The following MYRIP variants were observed in gnomAD, a reference collection of about 807,000 sequenced individuals.
MYRIP encodes myosin VIIA and Rab interacting protein.
In MYRIP, 49 loss-of-function variants were observed where a neutral mutation model predicts 98.0. That is an observed-to-expected ratio of 0.50 (90% confidence interval 0.40 to 0.63). MYRIP has a LOEUF of 0.63. MYRIP is among the 30% of genes least tolerant of loss of function. The pLI, the probability that MYRIP is intolerant of heterozygous loss-of-function variation, is 0.00. For synonymous variants in MYRIP, 404 were observed against 409.5 expected (o/e 0.99, Z 0.16); for missense variants, 1,004 against 1,058.2 (o/e 0.95, Z 0.71).
Position 40,068,481 on chromosome 3 carries a change from C to T in MYRIP, c.332+24210C>T, listed in dbSNP as rs552934843. On this transcript the variant is annotated intron_variant, in intron 3 of 16. Coordinates refer to ENST00000302541, the MANE Select transcript of MYRIP (RefSeq NM_015460.4). ...TTGTGAAGCTGGAACCAGAGTTACA[C>T]TAAGGATGTATTGTATATAGTTTTC... 1.6e-3 allele frequency among the ~76,000 whole-genome samples: 250 copies of T among 152,286 alleles called. 1 individual carries two copies. The highest frequency in any genetic ancestry group is 5.9e-3 in the African/African-American group (246 of 41,552).
chr3:40,253,649 A>C (rs920409626), intron 16 of MYRIP, among the ~76,000 whole-genome samples: 5 of 152,188 alleles, frequency 3.3e-5, no homozygotes, highest in Non-Finnish European at 7.4e-5. Flanking sequence ...TCAACGGAAT[A>C]AGTTACCTTA....
intron 13 of MYRIP, chr3:40,248,290 T>C (rs1404918140): frequency 6.6e-6 from 1 of 152,226 alleles, no homozygotes; most frequent in African/African-American, 2.4e-5. Flanking sequence ...TCATGCAAGT[T>C]GTCTCTATGA....
intron 1 of MYRIP, among the ~76,000 whole-genome samples, chr3:39,847,760 C>G (rs1037222963): frequency 2.6e-5 from 4 of 152,102 alleles, no homozygotes; most frequent in African/African-American, 9.7e-5. Flanking sequence ...CCATATATGC[C>G]CTCCCTGAGC....
At chr3:39,982,198 A>G (rs1018324289) in intron 2 of MYRIP, among the ~76,000 whole-genome samples, 2 of 152,212 alleles carry the variant, frequency 1.3e-5, no homozygotes, top group African/African-American at 4.8e-5. Flanking sequence ...TCTGCTCTGT[A>G]GAGAGTAGTA....
intron 2 of MYRIP, among the ~76,000 whole-genome samples, chr3:40,032,237 T>A (rs1947277557): frequency 6.6e-6 from 1 of 152,292 alleles, no homozygotes; most frequent in South Asian, 2.1e-4. Flanking sequence ...TGTCTTCATT[T>A]CGTTATGTAC....
chr3:39,832,032 A>G (rs1386732824), intron 1 of MYRIP, among the ~76,000 whole-genome samples: 1 of 152,220 alleles, frequency 6.6e-6, no homozygotes, highest in African/African-American at 2.4e-5. Flanking sequence ...TAATGTGGGA[A>G]ATGTTGGAAT....
At chr3:40,077,037 G>A (rs1457146578) in intron 3 of MYRIP, among the ~76,000 whole-genome samples, 2 of 152,118 alleles carry the variant, frequency 1.3e-5, no homozygotes, top group South Asian at 2.1e-4. Context: ...GTGGACCCTT[G>A]CGGTGAGTGT....
intron 12 of MYRIP, among the ~76,000 whole-genome samples, chr3:40,238,187 A>T (rs957544963): frequency 6.6e-6 from 1 of 152,158 alleles, no homozygotes; most frequent in African/African-American, 2.4e-5. Flanking sequence ...TCAGCTTTTT[A>T]AATTTCACCT....
intron 2 of MYRIP, among the ~76,000 whole-genome samples, chr3:39,958,625 A>C (rs1198469813): frequency 6.6e-6 from 1 of 152,236 alleles, no homozygotes; most frequent in South Asian, 2.1e-4. Flanking sequence ...ATGGGCAAGG[A>C]CTTCATGTCT....
rs141015352 is a variant in MYRIP at position 40,163,341 on chromosome 3, C to CTA, written c.550+533_550+534dup. On this transcript the variant is annotated intron_variant, in intron 5 of 16. Transcript: ENST00000302541. ...GACCTCCACAGCTTATCTGTACTCTCTATTCTCTCTTTGGGGGCTGTGATA... is the reference window on the plus strand; with the variant it reads ...GACCTCCACAGCTTATCTGTACTCTCTATATTCTCTCTTTGGGGGCTGTGATA... 8.6e-3 allele frequency among the ~76,000 whole-genome samples: 1,312 copies of CTA among 152,318 alleles called. 22 individuals are homozygous for CTA. Among genetic ancestry groups the CTA allele is most frequent in the African/African-American group, 0.03 (1,261 of 41,566 alleles).
intron 2 of MYRIP, among the ~76,000 whole-genome samples, chr3:40,034,940 G>A (rs1575482976): frequency 6.6e-6 from 1 of 151,420 alleles, no homozygotes; most frequent in East Asian, 2.0e-4. Context: ...GGATGAAATT[G>A]GAAATCATCA....
chr3:39,956,263 A>G (rs1377321055), intron 2 of MYRIP, among the ~76,000 whole-genome samples: 1 of 152,162 alleles, frequency 6.6e-6, no homozygotes, highest in Non-Finnish European at 1.5e-5. Flanking sequence ...TCCAAAATCG[A>G]CCACATAGTT....
At chr3:40,177,558 C>G (rs1162190555) in intron 8 of MYRIP, among the ~76,000 whole-genome samples, 1 of 152,218 alleles carries the variant, frequency 6.6e-6, no homozygotes, top group African/African-American at 2.4e-5. Flanking sequence ...GATGGGATTT[C>G]TCATCTATTC....
At chr3:40,199,262 G>A (rs983248463) in intron 10 of MYRIP, among the ~76,000 whole-genome samples, 5 of 152,168 alleles carry the variant, frequency 3.3e-5, no homozygotes, top group Non-Finnish European at 7.4e-5. Flanking sequence ...TTCACACTCT[G>A]GGGGTTGCTT....
At chr3:40,017,098 A>C (rs1946880094) in intron 2 of MYRIP, among the ~76,000 whole-genome samples, 1 of 152,248 alleles carries the variant, frequency 6.6e-6, no homozygotes, top group African/African-American at 2.4e-5. Flanking sequence ...GCCACTTAAC[A>C]AAATATTGGA....
intron 11 of MYRIP, among the ~76,000 whole-genome samples, chr3:40,220,096 C>T (rs546076490): frequency 5.3e-5 from 8 of 151,722 alleles, no homozygotes; most frequent in African/African-American, 1.9e-4. Flanking sequence ...TGATGATGAG[C>T]ATTTTTTCAT....
chr3:39,961,997 C>G (rs1472613297), intron 2 of MYRIP, among the ~76,000 whole-genome samples: 1 of 152,108 alleles, frequency 6.6e-6, no homozygotes, highest in Non-Finnish European at 1.5e-5. Context: ...GATGAATGGA[C>G]TCTCTTAAAA....
intron 2 of MYRIP, among the ~76,000 whole-genome samples, chr3:39,946,812 A>T (rs1575403622): frequency 6.6e-6 from 1 of 152,174 alleles, no homozygotes; most frequent in African/African-American, 2.4e-5. Context: ...ACTGAGGGAT[A>T]GTCAATTCAG....
intron 3 of MYRIP, among the ~76,000 whole-genome samples, chr3:40,085,048 T>TA (rs1948595162): frequency 6.6e-6 from 1 of 151,376 alleles, no homozygotes; most frequent in African/African-American, 2.4e-5. Flanking sequence ...TATCGATAGA[T>TA]ATATATCTAT....
Sources: gnomAD v4.1 joint callset for allele counts (sites outside exome capture counted in the v4.1 genomes callset) on GRCh38, gnomAD v4.1.1 for gene constraint, MANE v1.5 for transcripts, NCBI Gene and HGNC (gene_info 2026-07-23, HGNC 2026-07-21) for gene names.